PARD3B: variants seen among roughly 807,000 people sequenced by gnomAD.
PARD3B encodes partitioning defective 3 homolog B.
PARD3B carries 103 observed loss-of-function variants against 130.2 expected under a neutral mutation model. The observed-to-expected ratio is 0.79, with a 90% CI of 0.67 to 0.93. The LOEUF is 0.93. Ranked by LOEUF, PARD3B falls within the 40% of genes least tolerant of loss-of-function variation. The probability of loss-of-function intolerance (pLI) is 0.00; values close to 1 mark genes in which losing one functional copy is unlikely to be tolerated. For missense variants in PARD3B, 1,609 were observed against 1,499.2 expected (o/e 1.07, Z -1.21); for synonymous variants, 583 against 553.2 (o/e 1.05, Z -0.76).
intron 6 of PARD3B, among the ~76,000 whole-genome samples, chr2:205,117,940 C>T (rs942061527): frequency 3.6e-4 from 55 of 151,246 alleles, no homozygotes; most frequent in African/African-American, 1.3e-3. Flanking sequence ...CACACACATA[C>T]ACACACACAT....
intron 2 of PARD3B, among the ~76,000 whole-genome samples, chr2:204,871,866 T>G (rs2045641687): frequency 6.6e-6 from 1 of 152,118 alleles, no homozygotes; most frequent in Non-Finnish European, 1.5e-5. Flanking sequence ...TTAAGTAGAT[T>G]AAAACCCAAT....
chr2:205,198,327 C>G (rs1291103096), intron 15 of PARD3B, among the ~76,000 whole-genome samples: 1 of 152,194 alleles, frequency 6.6e-6, no homozygotes, highest in Non-Finnish European at 1.5e-5. Context: ...ATGAGGCATT[C>G]AGACGAAATT....
At chr2:205,413,067 A>C (rs145935264) in intron 19 of PARD3B, among the ~76,000 whole-genome samples, 5 of 152,232 alleles carry the variant, frequency 3.3e-5, no homozygotes, top group Admixed American at 3.3e-4. Flanking sequence ...GAACATGAGT[A>C]TCAAACTGTT....
intron 6 of PARD3B, 147 bp downstream of exon 6, chr2:205,113,724 G>T (rs1472634537): frequency 1.9e-6 from 1 of 529,148 alleles, no homozygotes; most frequent in African/African-American, 2.0e-5. Flanking sequence ...GGCCACTTAA[G>T]TGTTGGAAAC....
chr2:204,602,096 C>G (rs545938376), intron 1 of PARD3B, among the ~76,000 whole-genome samples: 1 of 152,104 alleles, frequency 6.6e-6, no homozygotes, highest in African/African-American at 2.4e-5. Context: ...AGACAAAATA[C>G]AAATTTGGAC....
chr2:205,318,780 T>A (rs1344247891), intron 18 of PARD3B, among the ~76,000 whole-genome samples: 4 of 152,026 alleles, frequency 2.6e-5, no homozygotes, highest in Non-Finnish European at 4.4e-5. Flanking sequence ...TTCCTGAGAG[T>A]TGCAATCCTT....
intron 2 of PARD3B, among the ~76,000 whole-genome samples, chr2:204,889,998 C>T (rs2046391802): frequency 6.6e-6 from 1 of 152,212 alleles, no homozygotes; most frequent in Non-Finnish European, 1.5e-5. Flanking sequence ...GTTTCTCCTT[C>T]TATAGAAAGA....
chr2:205,197,341 A>T (rs755467598), intron 15 of PARD3B, among the ~76,000 whole-genome samples: 1 of 152,134 alleles, frequency 6.6e-6, no homozygotes, highest in Non-Finnish European at 1.5e-5. Context: ...CCAATATTAA[A>T]TCTTCGATTC....
chr2:204,600,834 T>A (rs1424187737), intron 1 of PARD3B, among the ~76,000 whole-genome samples: 1 of 151,912 alleles, frequency 6.6e-6, no homozygotes, highest in Non-Finnish European at 1.5e-5. Context: ...TTATATAGAA[T>A]GTAATATATA....
intron 3 of PARD3B, among the ~76,000 whole-genome samples, chr2:204,985,965 A>G (rs956970193): frequency 1.3e-5 from 2 of 151,706 alleles, no homozygotes; most frequent in African/African-American, 4.8e-5. Flanking sequence ...GCCGGGCGTG[A>G]TGGCAGGCGC....
intron 21 of PARD3B, among the ~76,000 whole-genome samples, chr2:205,549,993 AC>A (rs1017374214): frequency 8.5e-5 from 13 of 152,190 alleles, no homozygotes; most frequent in African/African-American, 3.1e-4. Flanking sequence ...AGCAATAGCC[AC>A]AGTAGGAGCA....
chr2:205,098,246 G>A (rs1308864192), intron 4 of PARD3B, among the ~76,000 whole-genome samples: 3 of 152,110 alleles, frequency 2.0e-5, no homozygotes, highest in African/African-American at 4.8e-5. Flanking sequence ...GAAACTTGCA[G>A]TTGACTTTTC....
intron 3 of PARD3B, among the ~76,000 whole-genome samples, chr2:204,980,262 T>A (rs2125206288): frequency 6.6e-6 from 1 of 152,258 alleles, no homozygotes; most frequent in South Asian, 2.1e-4. Flanking sequence ...ACATTGCAAA[T>A]TTCAGCAACA....
intron 15 of PARD3B, among the ~76,000 whole-genome samples, chr2:205,232,104 A>G (rs1201318648): frequency 2.0e-5 from 3 of 152,158 alleles, no homozygotes; most frequent in African/African-American, 7.2e-5. Flanking sequence ...TAAAGGCAAG[A>G]CTCAAGAGGA....
intron 18 of PARD3B, among the ~76,000 whole-genome samples, chr2:205,319,117 C>T (rs1014241479): frequency 1.4e-4 from 22 of 152,164 alleles, no homozygotes; most frequent in African/African-American, 5.3e-4. Context: ...AATAGCCTCT[C>T]CCGTGACCTT....
chr2:205,510,284 C>T (rs1025653606), intron 21 of PARD3B, among the ~76,000 whole-genome samples: 1 of 152,166 alleles, frequency 6.6e-6, no homozygotes, highest in Non-Finnish European at 1.5e-5. Flanking sequence ...TTAAATGGTA[C>T]ACATATCAAG....
intron 15 of PARD3B, among the ~76,000 whole-genome samples, chr2:205,240,720 A>G (rs2039315293): frequency 6.6e-6 from 1 of 152,222 alleles, no homozygotes; most frequent in Admixed American, 6.5e-5. Flanking sequence ...ACTGTTCTGC[A>G]AATTTTTATT....
intron 1 of PARD3B, among the ~76,000 whole-genome samples, chr2:204,567,698 C>G (rs1447229561): frequency 6.6e-6 from 1 of 152,150 alleles, no homozygotes; most frequent in African/African-American, 2.4e-5. Context: ...CTGTTCTACT[C>G]TCTGCTTTCA....
chr2:204,785,652 T>C (rs1245227819), intron 2 of PARD3B, among the ~76,000 whole-genome samples: 3 of 152,224 alleles, frequency 2.0e-5, no homozygotes, highest in Non-Finnish European at 4.4e-5. Context: ...CTGCTTTTCA[T>C]CCATTATTTT....
Sources: allele counts gnomAD v4.1 joint callset (sites outside exome capture counted in the v4.1 genomes callset), GRCh38; gene constraint gnomAD v4.1.1; transcripts MANE v1.5; gene names NCBI Gene and HGNC (gene_info 2026-07-23, HGNC 2026-07-21).